Variants in ZNF536 observed in about 807,000 individuals in gnomAD.
ZNF536 encodes the protein zinc finger protein 536.
Under a neutral mutation model 84.5 loss-of-function variants are expected in ZNF536, and 13 were observed. The observed-to-expected ratio is 0.15, with a 90% CI of 0.10 to 0.24. ZNF536 has a LOEUF of 0.24. Ranked by LOEUF, ZNF536 falls within the 10% of genes least tolerant of loss-of-function variation. The pLI is 1.00. For synonymous variants in ZNF536, 811 were observed against 742.5 expected (o/e 1.09, Z -1.50); for missense variants, 1,536 against 1,747.5 (o/e 0.88, Z 2.16).
Position 30,383,743 on chromosome 19 carries a change from C to T in ZNF536, c.-3+11187C>T, listed in dbSNP as rs1342909867. Among the ~76,000 whole-genome samples, 13 of 23,216 alleles carry T rather than the reference C, an allele frequency of 5.6e-4. 1 individual carries two copies. Among genetic ancestry groups the T allele is most frequent in the Non-Finnish European group, 8.1e-4 (10 of 12,368 alleles). 15.2% of individuals were successfully genotyped at this position (23,216 alleles called of 152,430 possible). A position where few individuals can be genotyped will look rare whatever the true frequency, so the allele number is the denominator to read the frequency against. ...TCTTTCTTTCTTTCTTTCTTTCTTT[C>T]TCTTTCTTTCTTTCTCTTTCTTTCT... On this transcript the variant is annotated intron_variant, in intron 1 of 4. Coordinates refer to ENST00000355537, the MANE Select transcript of ZNF536 (RefSeq NM_014717.3).
At chr19:30,404,777 T>G (rs1488868171) in intron 1 of ZNF536, among the ~76,000 whole-genome samples, 1 of 151,876 alleles carries the variant, frequency 6.6e-6, no homozygotes, top group East Asian at 1.9e-4. Flanking sequence ...ACCAGCTGGG[T>G]GTCCCCAATT....
At chr19:30,679,526 C>T (rs538764892) in intron 1 of ZNF536, among the ~76,000 whole-genome samples, 57 of 152,264 alleles carry the variant, frequency 3.7e-4, no homozygotes, top group African/African-American at 1.3e-3. Flanking sequence ...GCAGCTGTCC[C>T]CTCCCCTCCA....
intron 1 of ZNF536, among the ~76,000 whole-genome samples, chr19:30,658,577 G>T (rs964869656): frequency 1.3e-5 from 2 of 152,012 alleles, no homozygotes; most frequent in African/African-American, 4.8e-5. Flanking sequence ...ACCTGGCTTT[G>T]CCTGGCCAAC....
intron 1 of ZNF536, among the ~76,000 whole-genome samples, chr19:30,276,646 T>C (rs567408336): frequency 6.6e-6 from 1 of 152,228 alleles, no homozygotes; most frequent in Non-Finnish European, 1.5e-5. Flanking sequence ...TGTGGGTTGT[T>C]TGAATACCAT....
At chr19:30,598,131 T>C (rs2047533545) in intron 1 of ZNF536, among the ~76,000 whole-genome samples, 1 of 152,186 alleles carries the variant, frequency 6.6e-6, no homozygotes, top group Non-Finnish European at 1.5e-5. Context: ...CTTCTTGACT[T>C]GAAGAATAAA....
At position 30,274,252 on chromosome 19, in the gene ZNF536, C is replaced by A. The variant is rs1225775873; in HGVS notation, c.-189-9820C>A. Among the ~76,000 whole-genome samples, 3 of 152,134 alleles carry A rather than the reference C, an allele frequency of 2.0e-5. No homozygotes were observed. In the East Asian group the frequency reaches 5.8e-4, roughly 29 times the overall value. On this transcript the variant is annotated intron_variant, in intron 1 of 5. Transcript: ENST00000585628. ...AAAACAAGCAAATTTTTAGTATGAC[C>A]AAATTTGACTGTCGAAATGCCAGAT... is the stretch of plus-strand genomic sequence containing the variant.
intron 1 of ZNF536, among the ~76,000 whole-genome samples, chr19:30,620,765 A>G (rs1173872867): frequency 6.6e-6 from 1 of 152,168 alleles, no homozygotes; most frequent in African/African-American, 2.4e-5. Flanking sequence ...ATGACACACG[A>G]AATGCAAAAC....
intron 1 of ZNF536, among the ~76,000 whole-genome samples, chr19:30,657,039 C>T (rs762318094): frequency 5.9e-5 from 9 of 152,094 alleles, no homozygotes; most frequent in African/African-American, 1.2e-4. Context: ...ATATTTCATC[C>T]GAAACCACAG....
At chr19:30,436,338 T>TCACCC (rs1308170862) in intron 1 of ZNF536, 2 of 186,190 alleles carry the variant, frequency 1.1e-5, no homozygotes, top group African/African-American at 2.4e-5. Context: ...ATGGAACAGG[T>TCACCC]CACCCGCGCT....
At chr19:30,492,604 A>G (rs1332024457) in intron 2 of ZNF536, among the ~76,000 whole-genome samples, 1 of 152,234 alleles carries the variant, frequency 6.6e-6, no homozygotes, top group Non-Finnish European at 1.5e-5. Context: ...TTGTAACAGA[A>G]TATGCAGTCA....
At chr19:30,259,422 G>A (rs934911193) in intron 1 of ZNF536, among the ~76,000 whole-genome samples, 1 of 152,280 alleles carries the variant, frequency 6.6e-6, no homozygotes, top group Non-Finnish European at 1.5e-5. Context: ...CAGCATGGGC[G>A]TCACCAGGGA....
chr19:30,696,300 C>G (rs546122246), intron 1 of ZNF536, among the ~76,000 whole-genome samples: 12 of 152,164 alleles, frequency 7.9e-5, no homozygotes, highest in African/African-American at 1.2e-4. Context: ...CCGGCTCCCC[C>G]ACTCCAGCAC....
At chr19:30,316,792 A>G (rs146159075) in intron 2 of ZNF536, among the ~76,000 whole-genome samples, 244 of 152,362 alleles carry the variant, frequency 1.6e-3, no homozygotes, top group African/African-American at 5.7e-3. Context: ...GGGCTGGTAC[A>G]TAAAGCCTAC....
intron 2 of ZNF536, among the ~76,000 whole-genome samples, chr19:30,306,573 G>T (rs910612708): frequency 3.3e-4 from 50 of 152,122 alleles, no homozygotes; most frequent in African/African-American, 1.2e-3. Context: ...AGATTCAAGG[G>T]GAATATTTCA....
chr19:30,331,759 C>T (rs917558957), intron 2 of ZNF536, among the ~76,000 whole-genome samples: 9 of 152,160 alleles, frequency 5.9e-5, no homozygotes, highest in African/African-American at 2.2e-4. Flanking sequence ...CCTTTCCCTC[C>T]AAATCACTGT....
intron 1 of ZNF536, among the ~76,000 whole-genome samples, chr19:30,237,788 C>T (rs1325877588): frequency 1.4e-5 from 2 of 145,850 alleles, no homozygotes; most frequent in Admixed American, 1.4e-4. Context: ...TTTTTTTTTG[C>T]ATAATTTAAC....
intron 1 of ZNF536, among the ~76,000 whole-genome samples, chr19:30,392,174 T>C (rs1019507431): frequency 2.0e-5 from 3 of 152,118 alleles, no homozygotes; most frequent in African/African-American, 7.2e-5. Flanking sequence ...AGCCACACCC[T>C]TTCCCTTGGG....
intron 3 of ZNF536, among the ~76,000 whole-genome samples, chr19:30,542,252 A>G (rs901657825): frequency 3.9e-5 from 6 of 152,200 alleles, no homozygotes; most frequent in African/African-American, 1.2e-4. Context: ...ACTCCCTGGA[A>G]CAGTGAGGGT....
intron 1 of ZNF536, among the ~76,000 whole-genome samples, chr19:30,432,006 T>TATATATATATATATATATATACACAC (rs149223384): frequency 2.6e-4 from 38 of 146,038 alleles, no homozygotes; most frequent in African/African-American, 8.5e-4. Context: ...TATATATATA[T>TATATATATATATATATATATACACAC]ACACACACAC....
Sources: allele counts gnomAD v4.1 joint callset (sites outside exome capture counted in the v4.1 genomes callset), GRCh38; gene constraint gnomAD v4.1.1; transcripts MANE v1.5; gene names NCBI Gene and HGNC (gene_info 2026-07-23, HGNC 2026-07-21).